The following CAPRIN2 variants were observed in gnomAD, a reference collection of about 807,000 sequenced individuals.
The protein encoded by CAPRIN2 is caprin-2.
CAPRIN2 carries 66 observed loss-of-function variants against 130.4 expected under a neutral mutation model. That is an observed-to-expected ratio of 0.51 (90% CI 0.42 to 0.62). The LOEUF (loss-of-function observed/expected upper bound fraction) is 0.62, where lower values mean the gene tolerates loss of function less well. Ranked by LOEUF, CAPRIN2 falls within the 20% of genes least tolerant of loss-of-function variation. CAPRIN2 has a pLI of 0.00. For missense variants in CAPRIN2, 1,185 were observed against 1,246.6 expected (o/e 0.95, Z 0.74); for synonymous variants, 471 against 444.1 (o/e 1.06, Z -0.76).
At chr12:30,723,265 C>T (rs751573910) in exon 11 of CAPRIN2, 42 of 1,609,386 alleles carry the variant, frequency 2.6e-5, no homozygotes, top group Admixed American at 3.3e-5. Context: ...TTACCTGTAA[C>T]GGCTCTTGAA....
At chr12:30,744,202 T>A (rs1254020081) in intron 2 of CAPRIN2, among the ~76,000 whole-genome samples, 1 of 152,202 alleles carries the variant, frequency 6.6e-6, no homozygotes, top group Non-Finnish European at 1.5e-5. Flanking sequence ...CCTCTGCCAC[T>A]GCCTTAGTAG....
exon 1 of CAPRIN2, chr12:30,753,529 C>G: frequency 1.2e-6 from 2 of 1,614,044 alleles, no homozygotes; most frequent in Non-Finnish European, 1.7e-6. Flanking sequence ...ATATTCCCCT[C>G]TCTTTCCTCC....
chr12:30,734,758 A>C (rs1467274859), intron 4 of CAPRIN2, among the ~76,000 whole-genome samples: 1 of 151,982 alleles, frequency 6.6e-6, no homozygotes, highest in Non-Finnish European at 1.5e-5. Flanking sequence ...TTCCTTCCAG[A>C]CAATCTGTCA....
At chr12:30,753,763 T>C (rs2075109467) in exon 1 of CAPRIN2, 1 of 1,600,628 alleles carries the variant, frequency 6.2e-7, no homozygotes, top group Non-Finnish European at 8.5e-7. Context: ...TGTACTTCCA[T>C]CCTACTTTTA....
chr12:30,734,757 G>T (rs1318048896), intron 4 of CAPRIN2, among the ~76,000 whole-genome samples: 1 of 151,638 alleles, frequency 6.6e-6, no homozygotes, highest in Non-Finnish European at 1.5e-5. Flanking sequence ...TTTCCTTCCA[G>T]ACAATCTGTC....
chr12:30,713,954 T>C (rs2099028), intron 14 of CAPRIN2, 69 bp from the exon 17 acceptor site: 217,305 of 863,034 alleles, frequency 0.25, 29,295 homozygotes, highest in African/African-American at 0.35. Flanking sequence ...AGTCTAATTC[T>C]ATATTGCTTT....
chr12:30,711,364 A>G (rs922942506), intron 16 of CAPRIN2, among the ~76,000 whole-genome samples: 1 of 152,188 alleles, frequency 6.6e-6, no homozygotes, highest in Non-Finnish European at 1.5e-5. Context: ...CACCCTTTTA[A>G]TTCAATTTGC....
chr12:30,744,493 G>A (rs1204480269), intron 2 of CAPRIN2, among the ~76,000 whole-genome samples: 5 of 152,112 alleles, frequency 3.3e-5, no homozygotes, highest in Non-Finnish European at 7.4e-5. Context: ...CCAAAAATCT[G>A]TTCCTTCTCA....
chr12:30,751,604 T>C (rs942951176), intron 1 of CAPRIN2: 1 of 182,130 alleles, frequency 5.5e-6, no homozygotes, highest in African/African-American at 2.3e-5. Flanking sequence ...CATCTTAAAA[T>C]GCACAGGACA....
chr12:30,728,623 A>G, intron 8 of CAPRIN2, 25 bp downstream of exon 9: 5 of 1,552,370 alleles, frequency 3.2e-6, no homozygotes, highest in African/African-American at 2.8e-5. Context: ...CACTTACAGA[A>G]GCAGAATGAT....
intron 1 of CAPRIN2, among the ~76,000 whole-genome samples, chr12:30,753,081 A>T (rs1489508504): frequency 1.3e-5 from 2 of 152,238 alleles, no homozygotes; most frequent in Non-Finnish European, 2.9e-5. Context: ...TAAGGAATTA[A>T]TCTCACCTAA....
intron 2 of CAPRIN2, among the ~76,000 whole-genome samples, chr12:30,744,840 T>C (rs1056081686): frequency 2.0e-5 from 3 of 152,202 alleles, no homozygotes; most frequent in African/African-American, 7.2e-5. Context: ...ATACTTAATA[T>C]ATCTTGTTGA....
intron 5 of CAPRIN2, among the ~76,000 whole-genome samples, chr12:30,732,042 A>G (rs998683005): frequency 6.6e-6 from 1 of 152,066 alleles, no homozygotes; most frequent in Non-Finnish European, 1.5e-5. Context: ...GACAATCTCT[A>G]TTAGATTACT....
At chr12:30,744,210 T>C (rs954340282) in intron 2 of CAPRIN2, among the ~76,000 whole-genome samples, 1 of 152,156 alleles carries the variant, frequency 6.6e-6, no homozygotes, top group Non-Finnish European at 1.5e-5. Flanking sequence ...ACTGCCTTAG[T>C]AGGGCTCCCA....
intron 8 of CAPRIN2, among the ~76,000 whole-genome samples, chr12:30,727,584 ATAG>A (rs138789692): frequency 0.016 from 2,385 of 152,306 alleles, 59 homozygotes; most frequent in African/African-American, 0.054. Context: ...TGCATTATAA[ATAG>A]TAGTAAATAA....
chr12:30,720,864 C>T (rs371879635), exon 12 of CAPRIN2: 10 of 1,613,700 alleles, frequency 6.2e-6, no homozygotes, highest in African/African-American at 5.3e-5. Flanking sequence ...GAAGCCTGAT[C>T]GGTAGTAACC....
exon 1 of CAPRIN2, chr12:30,753,458 G>A (rs1592376019): frequency 1.9e-6 from 3 of 1,614,144 alleles, no homozygotes; most frequent in Non-Finnish European, 2.5e-6. Flanking sequence ...ACTGCAGGGG[G>A]CTCAAGGCCC....
Position 30,728,642 on chromosome 12 carries a change from A to T in CAPRIN2, c.1782+6T>A. On this transcript the variant is annotated splice_donor_region_variant and intron_variant, in intron 8 of 16. Transcript: ENST00000298892. ...TACAGAAGCAGAATGATACAGATCA[A>T]CTCACATCTTTGGGTTCTGTGTTCA... 2 of 1,598,400 alleles carry T rather than the reference A, an allele frequency of 1.3e-6. No homozygotes were observed. Among genetic ancestry groups the T allele is most frequent in the Non-Finnish European group, 8.5e-7 (1 of 1,172,704 alleles).
chr12:30,718,818 G>C (rs927844786), intron 12 of CAPRIN2, among the ~76,000 whole-genome samples: 1 of 152,156 alleles, frequency 6.6e-6, no homozygotes, highest in Admixed American at 6.5e-5. Flanking sequence ...TGTTTAATAT[G>C]GATCCTCAGC....
Sources: allele counts gnomAD v4.1 joint callset (sites outside exome capture counted in the v4.1 genomes callset), GRCh38; gene constraint gnomAD v4.1.1; transcripts MANE v1.5; gene names NCBI Gene and HGNC (gene_info 2026-07-23, HGNC 2026-07-21).